ATP11A: variants seen among roughly 807,000 people sequenced by gnomAD.
The protein encoded by ATP11A is phospholipid-transporting ATPase IH.
A neutral mutation model predicts 154.4 loss-of-function variants in ATP11A; 81 were observed. The ratio of observed to expected loss-of-function variants is 0.52; its 90% confidence interval spans 0.44 to 0.63. The LOEUF is 0.63. ATP11A is among the 30% of genes least tolerant of loss of function. The pLI is 0.00. For missense variants in ATP11A, 1,316 were observed against 1,474.3 expected (o/e 0.89, Z 1.76); for synonymous variants, 623 against 585.9 (o/e 1.06, Z -0.91).
At chr13:112,738,101 G>A (rs1308855488) in intron 1 of ATP11A, among the ~76,000 whole-genome samples, 1 of 152,196 alleles carries the variant, frequency 6.6e-6, no homozygotes, top group Non-Finnish European at 1.5e-5. Context: ...GCTGGGCACA[G>A]TGGCTTATGC....
At chr13:112,779,014 A>G (rs1475059648) in intron 1 of ATP11A, among the ~76,000 whole-genome samples, 6 of 128,550 alleles carry the variant, frequency 4.7e-5, no homozygotes, top group African/African-American at 9.2e-5. Context: ...TAGCCACTGG[A>G]GTGAGTAGCC....
intron 29 of ATP11A, chr13:112,880,495 C>T (rs909239209): frequency 1.0e-5 from 13 of 1,272,066 alleles, no homozygotes; most frequent in Non-Finnish European, 1.3e-5. Context: ...CCGAGCACTC[C>T]TGGTGGCCCC....
chr13:112,736,094 G>A (rs952547096), intron 1 of ATP11A, among the ~76,000 whole-genome samples: 9 of 152,204 alleles, frequency 5.9e-5, no homozygotes, highest in African/African-American at 1.9e-4. Flanking sequence ...CTTAAGGAGC[G>A]CACAGGTGTG....
intron 2 of ATP11A, among the ~76,000 whole-genome samples, chr13:112,801,875 A>G (rs371596294): frequency 2.0e-5 from 3 of 152,348 alleles, no homozygotes; most frequent in South Asian, 2.1e-4. Flanking sequence ...GTCCTAATCA[A>G]ATTCCCAGCA....
In ATP11A at chr13:112,885,672, CACACACATAT is replaced by C. The variant is rs1178640279; in HGVS notation, c.*3815_*3824del. Reference sequence around the variant, plus strand: ...TCCTGCAGGCGTGAATACACACATGCACACACATATACACACATGTGCCACAAACAAGTGC... The same window carrying C: ...TCCTGCAGGCGTGAATACACACATGCACACACATGTGCCACAAACAAGTGC... On this transcript the variant is annotated 3_prime_UTR_variant, in exon 30 of 30. Transcript: ENST00000375645. 2.6e-5 allele frequency: 4 copies of C among 152,412 alleles called. No individual in the cohort carries two copies. The highest frequency in any genetic ancestry group is 6.5e-5 in the Admixed American group (1 of 15,286). The allele number at this position is 152,412 out of a possible 1,614,324, so 9.4% of individuals were successfully genotyped here.
At position 112,723,779 on chromosome 13, in the gene ATP11A, A is replaced by G. The variant is rs547459288; in HGVS notation, c.39+33324A>G. On this transcript the variant is annotated intron_variant, in intron 1 of 29. Coordinates refer to ENST00000375645, the MANE Select transcript of ATP11A (RefSeq NM_015205.3). ...GCTTAGGATTTTATTTTTAGTTTGC[A>G]AGTTGAATGTCTAGGCAGCTGACTG... is the stretch of plus-strand genomic sequence containing the variant. Among the ~76,000 whole-genome samples the G allele has an allele frequency of 7.8e-4, 118 of 152,154 alleles. 1 individual carries two copies. Among genetic ancestry groups the G allele is most frequent in the Admixed American group, 1.7e-3 (26 of 15,290 alleles).
At chr13:112,749,582 A>G (rs1189429918) in intron 1 of ATP11A, among the ~76,000 whole-genome samples, 2 of 152,186 alleles carry the variant, frequency 1.3e-5, no homozygotes, top group Non-Finnish European at 2.9e-5. Context: ...TACTGAACCT[A>G]GATATTAATC....
intron 1 of ATP11A, among the ~76,000 whole-genome samples, chr13:112,776,435 C>A (rs1293923246): frequency 6.6e-6 from 1 of 152,174 alleles, no homozygotes; most frequent in Admixed American, 6.5e-5. Context: ...AGTGCTGCCC[C>A]TCAAAAGGCA....
intron 2 of ATP11A, among the ~76,000 whole-genome samples, chr13:112,789,715 A>G (rs1335923803): frequency 2.0e-5 from 3 of 150,850 alleles, no homozygotes; most frequent in Non-Finnish European, 4.4e-5. Context: ...GACCTACTTA[A>G]TTCACACCGG....
intron 2 of ATP11A, among the ~76,000 whole-genome samples, chr13:112,791,814 GC>G (rs2077866692): frequency 6.6e-6 from 1 of 152,152 alleles, no homozygotes; most frequent in South Asian, 2.1e-4. Context: ...GATCCGGGGA[GC>G]CCTGCAGGTT....
intron 20 of ATP11A, chr13:112,856,493 A>C: frequency 6.5e-6 from 1 of 154,992 alleles, no homozygotes; most frequent in Non-Finnish European, 1.4e-5. Flanking sequence ...TCTCAGACAA[A>C]TGAGGGCACC....
chr13:112,850,022 C>T (rs1007742772), intron 17 of ATP11A, among the ~76,000 whole-genome samples: 2 of 152,202 alleles, frequency 1.3e-5, no homozygotes, highest in Non-Finnish European at 2.9e-5. Flanking sequence ...TTCTTCAACT[C>T]CCCCTTTCCC....
At position 112,819,927 on chromosome 13, in the gene ATP11A, T is replaced by C; in HGVS notation, c.702T>C (p.Ser234=). 2 of 1,612,248 alleles carry C rather than the reference T, an allele frequency of 1.2e-6. No homozygotes were observed. Among genetic ancestry groups the C allele is most frequent in the Non-Finnish European group, 1.7e-6 (2 of 1,179,034 alleles). ...YKFVGRINVY[S]DLNDPVVRPL... is the part of the protein sequence containing the mutation. ...TCGTGGGTCGCATCAACGTTTACAG[T>C]GACCTGAATGACCCCGTGGTGAGGT... Residue 234 remains serine, a synonymous_variant, in exon 8 of 30, where the codon AGT becomes AGC. Transcript: ENST00000375645.
Position 112,862,497 on chromosome 13 carries a change from G to C in ATP11A, c.2913G>C (p.Leu971=). 1 of 1,614,158 alleles carries C rather than the reference G, an allele frequency of 6.2e-7. No individual in the cohort carries two copies. Among genetic ancestry groups the C allele is most frequent in the Non-Finnish European group, 8.5e-7 (1 of 1,180,010 alleles). The part of the protein sequence containing the change: ...RWRVFIYWTL[L]GLFDALVFFF... Reference sequence around the variant, plus strand: ...GCGTGTTCATCTACTGGACGCTCCTGGGACTGTTTGACGCACTGGTGTTCT... The same window carrying C: ...GCGTGTTCATCTACTGGACGCTCCTCGGACTGTTTGACGCACTGGTGTTCT... The change falls in exon 25 of 30, where the codon CTG becomes CTC. Residue 971 remains leucine, a synonymous_variant. Transcript: ENST00000375645.
chr13:112,832,710 C>T (rs2079127680), intron 13 of ATP11A, 150 bp from the exon 14 acceptor site: 4 of 780,080 alleles, frequency 5.1e-6, no homozygotes, highest in Non-Finnish European at 8.4e-6. Context: ...TAATTCCATC[C>T]CACTGTATAA....
intron 1 of ATP11A, among the ~76,000 whole-genome samples, chr13:112,774,577 T>A (rs1477338250): frequency 6.6e-6 from 1 of 152,220 alleles, no homozygotes. Context: ...GTGTACCAGA[T>A]CACAGTTGCG....
At chr13:112,768,905 C>G (rs1211105997) in intron 1 of ATP11A, among the ~76,000 whole-genome samples, 1 of 152,230 alleles carries the variant, frequency 6.6e-6, no homozygotes, top group Non-Finnish European at 1.5e-5. Context: ...CATGCTGGGC[C>G]TGTTTTCCGA....
chr13:112,747,593 T>C (rs991993348), intron 1 of ATP11A, among the ~76,000 whole-genome samples: 2 of 152,214 alleles, frequency 1.3e-5, no homozygotes, highest in African/African-American at 4.8e-5. Flanking sequence ...CCCTGCACTT[T>C]GGGAGGCCAA....
rs1023558413 is a variant in ATP11A at position 112,859,214 on chromosome 13, C to T, written c.2668-179C>T. ...GTCCTGAGTGGCCAAAACGTGGTCACATGTGCATTTCAGTTGCCCCTGAAA... is the reference window on the plus strand; with the variant it reads ...GTCCTGAGTGGCCAAAACGTGGTCATATGTGCATTTCAGTTGCCCCTGAAA... On this transcript the variant is annotated intron_variant, in intron 22 of 29. Transcript: ENST00000375645. This position sits in a 1 kb window ranked among gnomAD's most constrained non-coding sequence, Gnocchi z 4.3. 4.7e-6 allele frequency: 3 copies of T among 635,072 alleles called. No homozygotes were observed. The highest frequency in any genetic ancestry group is 5.7e-6 in the Non-Finnish European group (2 of 348,144). 39.3% of individuals were successfully genotyped at this position (635,072 alleles called of 1,614,324 possible).
Sources: allele counts gnomAD v4.1 joint callset (sites outside exome capture counted in the v4.1 genomes callset), GRCh38; gene constraint gnomAD v4.1.1; non-coding constraint Gnocchi (gnomAD v3.1); transcripts MANE v1.5; gene names NCBI Gene and HGNC (gene_info 2026-07-23, HGNC 2026-07-21).